Variants in ERG observed in about 807,000 individuals in gnomAD.
ERG encodes transcriptional regulator ERG.
In ERG, 9 loss-of-function variants were observed where a neutral mutation model predicts 55.3. The observed-to-expected ratio is 0.16, with a 90% CI of 0.10 to 0.28. ERG has a LOEUF of 0.28. Among genes scored for constraint, ERG ranks in the 10% least tolerant of loss-of-function variants. ERG has a pLI of 1.00. For missense variants in ERG, 434 were observed against 631.6 expected (o/e 0.69, Z 3.35); for synonymous variants, 223 against 237.3 (o/e 0.94, Z 0.55).
intron 2 of ERG, among the ~76,000 whole-genome samples, chr21:38,528,964 G>A (rs913984957): frequency 6.6e-6 from 1 of 152,128 alleles, no homozygotes; most frequent in Non-Finnish European, 1.5e-5. Flanking sequence ...GAAATTAAAT[G>A]AGGATGTCAT....
chr21:38,499,453 C>T (rs1054192970), upstream of ERG, among the ~76,000 whole-genome samples: 2 of 152,140 alleles, frequency 1.3e-5, no homozygotes, highest in African/African-American at 4.8e-5. Flanking sequence ...TTGGAAGAAA[C>T]ATTTTGCTTT....
At position 38,503,930 on chromosome 21, in the gene ERG, C is replaced by T. The variant is rs563428261; in HGVS notation, c.-41+71732G>A. Among the ~76,000 whole-genome samples the T allele has an allele frequency of 3.0e-4, 45 of 152,134 alleles. 1 individual carries two copies. The highest frequency in any genetic ancestry group is 2.3e-3 in the Admixed American group (35 of 15,268). On this transcript the variant is annotated intron_variant, in intron 2 of 8. Transcript: ENST00000398897. ...GCACCCAGTCAGCGCTGTTTAAGGACGGTTTTTCTGTTCACAGCATACTTC... is the reference window on the plus strand; with the variant it reads ...GCACCCAGTCAGCGCTGTTTAAGGATGGTTTTTCTGTTCACAGCATACTTC...
chr21:38,503,724 G>A (rs953875619), intron 2 of ERG, among the ~76,000 whole-genome samples: 1 of 152,142 alleles, frequency 6.6e-6, no homozygotes, highest in Non-Finnish European at 1.5e-5. Flanking sequence ...TGAGAGCCCC[G>A]CAAGAACGAT....
At chr21:38,605,014 A>G (rs941188720) in intron 1 of ERG, among the ~76,000 whole-genome samples, 8 of 152,130 alleles carry the variant, frequency 5.3e-5, no homozygotes, top group Non-Finnish European at 1.0e-4. Context: ...TGTTTCCTAG[A>G]TGAAATATTT....
At chr21:38,500,053 T>C (rs916126732), upstream of ERG, among the ~76,000 whole-genome samples, 1 of 152,170 alleles carries the variant, frequency 6.6e-6, no homozygotes, top group African/African-American at 2.4e-5. Context: ...CCCGAAAATT[T>C]CAAAGTCCTG....
chr21:38,532,160 C>T (rs767266352), intron 2 of ERG, among the ~76,000 whole-genome samples: 12 of 152,130 alleles, frequency 7.9e-5, no homozygotes, highest in Non-Finnish European at 1.5e-4. Context: ...AAGGGTGAGA[C>T]CCTCATTCCG....
At chr21:38,624,066 T>C (rs1444058771) in intron 1 of ERG, among the ~76,000 whole-genome samples, 1 of 152,202 alleles carries the variant, frequency 6.6e-6, no homozygotes, top group Non-Finnish European at 1.5e-5. Flanking sequence ...TCAGGCTATA[T>C]GTGAAGCCTT....
intron 1 of ERG, among the ~76,000 whole-genome samples, chr21:38,596,187 G>A (rs1403940475): frequency 3.3e-5 from 5 of 152,156 alleles, no homozygotes; most frequent in Non-Finnish European, 7.3e-5. Flanking sequence ...GCTTTCTTCA[G>A]CAGTGCAAGG....
intron 2 of ERG, among the ~76,000 whole-genome samples, chr21:38,507,172 G>A (rs893268087): frequency 7.9e-5 from 12 of 152,160 alleles, no homozygotes; most frequent in Admixed American, 2.6e-4. Context: ...TAGGAACTGA[G>A]GACCCTGAGT....
In ERG at chr21:38,426,435, G is replaced by A. The variant is rs1464683963; in HGVS notation, c.237-2874C>T. On this transcript the variant is annotated intron_variant, in intron 2 of 9. Coordinates refer to ENST00000288319, the MANE Select transcript of ERG (RefSeq NM_182918.4). ...AAGTTAGAGGGATTAGGTTCTTTAG[G>A]AAAAAGACTTTGCCCAGATGATGTG... 5.3e-5 allele frequency among the ~76,000 whole-genome samples: 8 copies of A among 152,216 alleles called. No homozygotes were observed. In the East Asian group the frequency reaches 1.2e-3, roughly 22 times the overall value.
Position 38,486,131 on chromosome 21 carries a change from C to T in ERG, c.18+12232G>A, listed in dbSNP as rs539170038. ...TATATTTTTAGTAGAGACGGGATTT[C>T]ACTGTGTTAGCCAGGATGGTCTCCA... On this transcript the variant is annotated intron_variant, in intron 1 of 9. Transcript: ENST00000288319. 2.9e-3 allele frequency among the ~76,000 whole-genome samples: 436 copies of T among 151,756 alleles called. 2 individuals are homozygous for T. Among genetic ancestry groups the T allele is most frequent in the African/African-American group, 0.01 (427 of 41,344 alleles).
In ERG at chr21:38,382,822, A is replaced by C; in HGVS notation, c.*581T>G. The C allele has an allele frequency of 2.8e-6, 3 of 1,066,308 alleles. No individual in the cohort carries two copies. The highest frequency in any genetic ancestry group is 3.4e-6 in the Non-Finnish European group (3 of 879,570). The allele number at this position is 1,066,308 out of a possible 1,614,324, so 66.1% of individuals were successfully genotyped here. A position where few individuals can be genotyped will look rare whatever the true frequency, so the allele number is the denominator to read the frequency against. The stretch of plus-strand genomic sequence containing the variant: ...TTGGGTCATCTTCACAGTTTGAGAA[A>C]GCTGACAGCTGTCCATCAAACGGAA... On this transcript the variant is annotated 3_prime_UTR_variant, in exon 10 of 10. Transcript: ENST00000288319.
chr21:38,555,259 G>A (rs991563879), intron 2 of ERG, among the ~76,000 whole-genome samples: 6 of 151,930 alleles, frequency 3.9e-5, no homozygotes, highest in African/African-American at 1.2e-4. Flanking sequence ...CCCGGGAGAC[G>A]GAGGCTGCAG....
intron 1 of ERG, among the ~76,000 whole-genome samples, chr21:38,635,201 G>A (rs1231796548): frequency 6.6e-6 from 1 of 152,086 alleles, no homozygotes; most frequent in African/African-American, 2.4e-5. Context: ...TTTTCCATAT[G>A]GTACTATCAT....
intron 2 of ERG, among the ~76,000 whole-genome samples, chr21:38,441,643 T>C (rs951212786): frequency 2.0e-5 from 3 of 152,178 alleles, no homozygotes; most frequent in African/African-American, 7.2e-5. Context: ...GCTCTGTATC[T>C]TTCTCTTCTA....
intron 1 of ERG, among the ~76,000 whole-genome samples, chr21:38,449,743 T>C (rs1256022069): frequency 6.6e-6 from 1 of 152,216 alleles, no homozygotes; most frequent in Non-Finnish European, 1.5e-5. Context: ...AGGCCCAAAA[T>C]TGATTCTAAT....
chr21:38,515,845 A>C (rs891764389), intron 2 of ERG, among the ~76,000 whole-genome samples: 11 of 152,194 alleles, frequency 7.2e-5, no homozygotes, highest in Middle Eastern at 3.4e-3. Context: ...CAAATCAATA[A>C]ATATGATACA....
rs116736681 is a variant in ERG at position 38,606,401 on chromosome 21, T to C, written c.-149-21456A>G. ...CAGAAGCAAAAATAAAACTACTTTATAGAGACACTTTCATAGCTTACATTA... is the reference window on the plus strand; with the variant it reads ...CAGAAGCAAAAATAAAACTACTTTACAGAGACACTTTCATAGCTTACATTA... On this transcript the variant is annotated intron_variant, in intron 1 of 10. Transcript: ENST00000398910. Among the ~76,000 whole-genome samples, 350 of 152,260 alleles carry C rather than the reference T, an allele frequency of 2.3e-3. 1 individual carries two copies. The highest frequency in any genetic ancestry group is 6.8e-3 in the Middle Eastern group (2 of 294).
chr21:38,377,772 G>C (rs560880506), downstream of ERG, among the ~76,000 whole-genome samples: 1 of 152,136 alleles, frequency 6.6e-6, no homozygotes. Context: ...GGTGGAAATT[G>C]TTAGTCTGGA....
Sources: allele counts gnomAD v4.1 joint callset (sites outside exome capture counted in the v4.1 genomes callset), GRCh38; gene constraint gnomAD v4.1.1; transcripts MANE v1.5; gene names NCBI Gene and HGNC (gene_info 2026-07-23, HGNC 2026-07-21).